The following GRM7 variants were observed in gnomAD, a reference collection of about 807,000 sequenced individuals.
GRM7 encodes the protein metabotropic glutamate receptor 7.
GRM7 carries 35 observed loss-of-function variants against 84.5 expected under a neutral mutation model. That is an observed-to-expected ratio of 0.41 (90% CI 0.32 to 0.55). The LOEUF (loss-of-function observed/expected upper bound fraction) is 0.55. Ranked by LOEUF, GRM7 falls within the 20% of genes least tolerant of loss-of-function variation. GRM7 has a pLI of 0.19. For missense variants in GRM7, 1,003 were observed against 1,194.6 expected, an observed-to-expected ratio of 0.84 and a Z score of 2.36; for synonymous variants, 487 against 455.1, an observed-to-expected ratio of 1.07 and a Z score of -0.89.
rs985850868 is a variant in GRM7 at position 7,046,932 on chromosome 3, A to G, written c.520-99520A>G. ...ATAAAGAAAGAAAGCAGAGCTGTACATGAATAAAGAGTAAATGAAGGATAA... is the reference window on the plus strand; with the variant it reads ...ATAAAGAAAGAAAGCAGAGCTGTACGTGAATAAAGAGTAAATGAAGGATAA... On this transcript the variant is annotated intron_variant, in intron 1 of 9. Coordinates refer to ENST00000357716, the MANE Select transcript of GRM7 (RefSeq NM_000844.4). Among the ~76,000 whole-genome samples the G allele has an allele frequency of 2.0e-5, 3 of 152,088 alleles. No individual in the cohort carries two copies. In the South Asian group the frequency reaches 6.2e-4, roughly 31 times the overall value.
chr3:7,714,038 C>A (rs1157994711), intron 9 of GRM7, among the ~76,000 whole-genome samples: 1 of 152,046 alleles, frequency 6.6e-6, no homozygotes, highest in East Asian at 1.9e-4. Flanking sequence ...CTCAGCTAAG[C>A]ATGCATTTCT....
At chr3:7,631,537 C>A (rs932022578) in intron 8 of GRM7, among the ~76,000 whole-genome samples, 4 of 152,134 alleles carry the variant, frequency 2.6e-5, no homozygotes, top group African/African-American at 9.7e-5. Context: ...GTTTAAGGAA[C>A]CAGTGAAGAG....
chr3:7,032,266 G>A (rs1696217721), intron 1 of GRM7, among the ~76,000 whole-genome samples: 1 of 152,140 alleles, frequency 6.6e-6, no homozygotes, highest in South Asian at 2.1e-4. Context: ...AAGTAGCTGT[G>A]GGAAAATGTG....
At chr3:6,948,309 T>C (rs1698169470) in intron 1 of GRM7, among the ~76,000 whole-genome samples, 2 of 152,252 alleles carry the variant, frequency 1.3e-5, no homozygotes, top group Non-Finnish European at 2.9e-5. Context: ...CATTTTGTTA[T>C]GTACCCAGTA....
chr3:7,160,196 G>T (rs988997729), intron 2 of GRM7, among the ~76,000 whole-genome samples: 1 of 152,092 alleles, frequency 6.6e-6, no homozygotes, highest in African/African-American at 2.4e-5. Flanking sequence ...AAATGAGAAG[G>T]ACAGCTCTTG....
intron 2 of GRM7, among the ~76,000 whole-genome samples, chr3:7,210,732 G>A (rs1006344122): frequency 2.6e-5 from 4 of 151,860 alleles, no homozygotes; most frequent in Non-Finnish European, 4.4e-5. Context: ...TTCCTCACAC[G>A]CTCTGGGCAT....
At chr3:7,256,866 G>C (rs1351826191) in intron 2 of GRM7, among the ~76,000 whole-genome samples, 1 of 152,170 alleles carries the variant, frequency 6.6e-6, no homozygotes, top group Non-Finnish European at 1.5e-5. Flanking sequence ...AAATTGCTGA[G>C]AGAACCTAAG....
chr3:6,997,584 C>T (rs1694868099), intron 1 of GRM7, among the ~76,000 whole-genome samples: 1 of 152,172 alleles, frequency 6.6e-6, no homozygotes, highest in Non-Finnish European at 1.5e-5. Context: ...TACCTCCCAC[C>T]TAGTCCTTCC....
chr3:7,407,095 A>G (rs1695713645), intron 4 of GRM7, among the ~76,000 whole-genome samples: 1 of 152,212 alleles, frequency 6.6e-6, no homozygotes, highest in Non-Finnish European at 1.5e-5. Flanking sequence ...GTGAGGGACC[A>G]GTGCTCTTGA....
intron 7 of GRM7, among the ~76,000 whole-genome samples, chr3:7,541,322 T>C (rs773509465): frequency 1.3e-5 from 2 of 152,168 alleles, no homozygotes; most frequent in African/African-American, 2.4e-5. Flanking sequence ...GGAGCCAAAC[T>C]TATACTAAAT....
chr3:6,987,156 C>T (rs567104596), intron 1 of GRM7, among the ~76,000 whole-genome samples: 57 of 152,098 alleles, frequency 3.7e-4, no homozygotes, highest in African/African-American at 1.3e-3. Flanking sequence ...TTCTTCTAGC[C>T]TTCTGTGGTG....
At chr3:7,706,641 G>A (rs1011899341) in intron 9 of GRM7, among the ~76,000 whole-genome samples, 4 of 152,202 alleles carry the variant, frequency 2.6e-5, no homozygotes, top group African/African-American at 9.6e-5. Context: ...TGCAGTCATA[G>A]ACATGTTACT....
chr3:7,654,240 G>T (rs1699083008), intron 8 of GRM7, among the ~76,000 whole-genome samples: 1 of 152,144 alleles, frequency 6.6e-6, no homozygotes, highest in Non-Finnish European at 1.5e-5. Flanking sequence ...AATTGATACT[G>T]TGAAAATGCC....
At chr3:7,103,766 CTTTCTTTCTT>C (rs1322763714) in intron 1 of GRM7, among the ~76,000 whole-genome samples, 6 of 61,074 alleles carry the variant, frequency 9.8e-5, no homozygotes, top group Non-Finnish European at 1.5e-4. Context: ...TTCTTTCTTT[CTTTCTTTCTT>C]TCTTTCTTTC....
At chr3:7,315,126 A>G (rs1251283093) in intron 4 of GRM7, among the ~76,000 whole-genome samples, 2 of 152,212 alleles carry the variant, frequency 1.3e-5, no homozygotes, top group Non-Finnish European at 2.9e-5. Flanking sequence ...ACAAAACAAA[A>G]CAAAAAAACA....
At chr3:7,638,312 A>G (rs769121970) in intron 8 of GRM7, among the ~76,000 whole-genome samples, 4 of 152,210 alleles carry the variant, frequency 2.6e-5, no homozygotes, top group Non-Finnish European at 4.4e-5. Flanking sequence ...CCACTATTCA[A>G]TTTTACTCAG....
intron 9 of GRM7, among the ~76,000 whole-genome samples, chr3:7,721,498 A>G (rs531363162): frequency 6.6e-6 from 1 of 152,328 alleles, no homozygotes; most frequent in South Asian, 2.1e-4. Flanking sequence ...TAGTTCTCCC[A>G]GTCTTCACTT....
At chr3:7,186,273 A>G (rs1354051661) in intron 2 of GRM7, among the ~76,000 whole-genome samples, 4 of 152,236 alleles carry the variant, frequency 2.6e-5, no homozygotes, top group Admixed American at 2.0e-4. Flanking sequence ...ATCAACATAA[A>G]TTAATAAAAT....
chr3:6,962,422 G>A (rs1039295849), intron 1 of GRM7, among the ~76,000 whole-genome samples: 1 of 151,992 alleles, frequency 6.6e-6, no homozygotes, highest in Non-Finnish European at 1.5e-5. Context: ...CAGTATGTTA[G>A]AATCAGTCAA....
Sources: gnomAD v4.1 joint callset for allele counts (sites outside exome capture counted in the v4.1 genomes callset) on GRCh38, gnomAD v4.1.1 for gene constraint, MANE v1.5 for transcripts, NCBI Gene and HGNC (gene_info 2026-07-23, HGNC 2026-07-21) for gene names.